The following HECTD4 variants were observed in gnomAD, a reference collection of about 807,000 sequenced individuals.
HECTD4 encodes HECT domain E3 ubiquitin protein ligase 4.
A neutral mutation model predicts 471.5 loss-of-function variants in HECTD4; 114 were observed. The ratio of observed to expected loss-of-function variants is 0.24; its 90% CI spans 0.21 to 0.28. The LOEUF (loss-of-function observed/expected upper bound fraction) is 0.28, where lower values mean the gene tolerates loss of function less well. Among genes scored for constraint, HECTD4 ranks in the 10% least tolerant of loss-of-function variants. The probability of loss-of-function intolerance (pLI) is 1.00; values close to 1 mark genes in which losing one functional copy is unlikely to be tolerated. For synonymous variants in HECTD4, 2,012 were observed against 2,256.0 expected (o/e 0.89, Z 3.07); for missense variants, 3,866 against 5,651.5 (o/e 0.68, Z 10.13).
intron 52 of HECTD4, among the ~76,000 whole-genome samples, chr12:112,205,453 G>GA (rs1163774774): frequency 5.3e-5 from 8 of 152,058 alleles, no homozygotes; most frequent in African/African-American, 1.7e-4. Context: ...CAAAAAAGTA[G>GA]AAAAAACCGA....
At chr12:112,324,735 A>C (rs970760348) in intron 1 of HECTD4, among the ~76,000 whole-genome samples, 2 of 152,170 alleles carry the variant, frequency 1.3e-5, no homozygotes, top group Admixed American at 6.5e-5. Context: ...ATCAATAAAG[A>C]TTACTGAAAT....
intron 7 of HECTD4, among the ~76,000 whole-genome samples, chr12:112,289,058 T>C (rs2034818854): frequency 6.6e-6 from 1 of 152,228 alleles, no homozygotes; most frequent in South Asian, 2.1e-4. Flanking sequence ...CGACATTCCA[T>C]TTTGTTACAT....
intron 62 of HECTD4, among the ~76,000 whole-genome samples, chr12:112,180,935 C>G (rs1300622916): frequency 4.6e-5 from 7 of 151,290 alleles, no homozygotes; most frequent in African/African-American, 1.7e-4. Flanking sequence ...GTATTTTAAT[C>G]AGTCAAAATT....
intron 44 of HECTD4, among the ~76,000 whole-genome samples, chr12:112,223,371 G>A (rs1219161983): frequency 6.6e-6 from 1 of 152,148 alleles, no homozygotes; most frequent in Non-Finnish European, 1.5e-5. Context: ...TGCTTCCTCT[G>A]CTGTTTCAAC....
Position 112,313,275 on chromosome 12 carries a change from T to G in HECTD4, c.786-128A>C, listed in dbSNP as rs2035406881. On this transcript the variant is annotated intron_variant, in intron 3 of 75. Transcript: ENST00000682272. Reference sequence around the variant, plus strand: ...AGATGTATAATATTTTATACAAATATTATTCAAAAAAGACATTTATAGTAT... The same window carrying G: ...AGATGTATAATATTTTATACAAATAGTATTCAAAAAAGACATTTATAGTAT... 7 of 550,832 alleles carry G rather than the reference T, an allele frequency of 1.3e-5. No homozygotes were observed. In the Admixed American group the frequency reaches 2.7e-4, roughly 21 times the overall value. The allele number at this position is 550,832 out of a possible 1,614,324, so 34.1% of individuals were successfully genotyped here.
chr12:112,194,847 C>T lies in HECTD4; in HGVS notation c.8749+38G>A. The T allele has an allele frequency of 1.3e-6, 2 of 1,572,938 alleles. No homozygotes were observed. The highest frequency in any genetic ancestry group is 2.7e-5 in the African/African-American group (2 of 74,128). ...CACTGTGCACAGCGCCCGCCTGGTGCTAAGTTCCAGAGTGACAGCAGCAAA... is the reference window on the plus strand; with the variant it reads ...CACTGTGCACAGCGCCCGCCTGGTGTTAAGTTCCAGAGTGACAGCAGCAAA... On this transcript the variant is annotated intron_variant, in intron 56 of 75. Transcript: ENST00000682272. The surrounding 1 kb of genome is among the most constrained non-coding windows in gnomAD (Gnocchi z 4.6).
chr12:112,319,225 C>T lies in HECTD4; in HGVS notation c.695G>A (p.Arg232Lys). ...AAALVALACA[R>K]GSLKTFVHTV... The stretch of plus-strand genomic sequence containing the variant: ...AAATGATACATTCGATTTTCCTTAC[C>T]TGGCACAAGCCAAAGCCACCAGGGC... Residue 232 changes from arginine (R) to lysine (K), a missense_variant and splice_region_variant, in exon 2 of 76, where the codon AGG becomes AAG. Arg to Lys is a conservative substitution (Grantham distance 26). Transcript: ENST00000682272. This position sits in a 1 kb window ranked among gnomAD's most constrained non-coding sequence, Gnocchi z 5.3. The T allele has an allele frequency of 6.5e-7, 1 of 1,536,004 alleles. No homozygotes were observed. The highest frequency in any genetic ancestry group is 8.7e-7 in the Non-Finnish European group (1 of 1,146,820).
Position 112,164,106 on chromosome 12 carries a change from C to A in HECTD4, c.12701+3G>T. On this transcript the variant is annotated splice_donor_region_variant and intron_variant, in intron 73 of 75. Coordinates refer to ENST00000682272, the MANE Select transcript of HECTD4 (RefSeq NM_001388303.1). The stretch of plus-strand genomic sequence containing the variant: ...CCAGCCCCTGACACGCGCACACACT[C>A]ACGCCACAAGGATGTGCCGGCCCCG... 1 of 1,567,530 alleles carries A rather than the reference C, an allele frequency of 6.4e-7. No homozygotes were observed.
At position 112,162,196 on chromosome 12, in the gene HECTD4, A is replaced by G; in HGVS notation, c.*191T>C. ...CCACAAACAGGCAGCAAAAGAACCA[A>G]CCCATCACGAAACGTACAAAGACAA... On this transcript the variant is annotated 3_prime_UTR_variant, in exon 76 of 76. Transcript: ENST00000682272. The surrounding 1 kb of genome is among the most constrained non-coding windows in gnomAD (Gnocchi z 5.2). 1 of 595,884 alleles carries G rather than the reference A, an allele frequency of 1.7e-6. No homozygotes were observed. The allele number at this position is 595,884 out of a possible 1,614,324, so 36.9% of individuals were successfully genotyped here.
intron 66 of HECTD4, among the ~76,000 whole-genome samples, chr12:112,174,737 T>C (rs61941327): frequency 0.01 from 1,544 of 152,072 alleles, 10 homozygotes; most frequent in Non-Finnish European, 0.017. Flanking sequence ...CTAATTTTTG[T>C]ATTTTTAGTA....
intron 14 of HECTD4, among the ~76,000 whole-genome samples, chr12:112,266,694 G>A (rs893678736): frequency 2.4e-4 from 36 of 152,220 alleles, no homozygotes; most frequent in African/African-American, 8.2e-4. Context: ...TGCTGGCCAG[G>A]CTGGTCTCGA....
intron 1 of HECTD4, among the ~76,000 whole-genome samples, chr12:112,345,879 A>G (rs1477500335): frequency 1.3e-5 from 2 of 152,372 alleles, no homozygotes; most frequent in Non-Finnish European, 2.9e-5. Flanking sequence ...TGGGCGATAG[A>G]GCGAGACTCC....
chr12:112,300,741 G>T (rs996680620), intron 7 of HECTD4, among the ~76,000 whole-genome samples: 1 of 151,926 alleles, frequency 6.6e-6, no homozygotes, highest in South Asian at 2.1e-4. Context: ...AAGACTACAG[G>T]AGTGTGCCAT....
chr12:112,166,408 C>T lies in HECTD4; in HGVS notation c.12534+909G>A, dbSNP rs1032079738. Reference sequence around the variant, plus strand: ...GCATAGGCAGAAGCCGCTGGCACCTCCTTCACCTGAGGCCCAGGAGAGAGC... The same window carrying T: ...GCATAGGCAGAAGCCGCTGGCACCTTCTTCACCTGAGGCCCAGGAGAGAGC... On this transcript the variant is annotated intron_variant, in intron 72 of 75. Coordinates refer to ENST00000682272, the MANE Select transcript of HECTD4 (RefSeq NM_001388303.1). The surrounding 1 kb of genome is among the most constrained non-coding windows in gnomAD (Gnocchi z 4.6). 4 of 152,300 alleles carry T rather than the reference C, an allele frequency of 2.6e-5. No homozygotes were observed. Among genetic ancestry groups the T allele is most frequent in the Non-Finnish European group, 5.9e-5 (4 of 68,082 alleles). The allele number at this position is 152,300 out of a possible 1,614,324, so 9.4% of individuals were successfully genotyped here.
At chr12:112,331,140 C>T (rs560773519) in intron 1 of HECTD4, among the ~76,000 whole-genome samples, 2 of 152,070 alleles carry the variant, frequency 1.3e-5, no homozygotes, top group East Asian at 1.9e-4. Context: ...GGCATGATCT[C>T]GACTCATGCA....
At position 112,239,773 on chromosome 12, in the gene HECTD4, C is replaced by A; in HGVS notation, c.5105+108G>T. 9.5e-7 allele frequency: 1 copy of A among 1,053,480 alleles called. No individual in the cohort carries two copies. 65.3% of individuals were successfully genotyped at this position (1,053,480 alleles called of 1,614,324 possible). Reference sequence around the variant, plus strand: ...GGAGAAAAGTTTTGTATAGCTAGCTCTGGATAATGAAAGCAAAAAATCCAA... The same window carrying A: ...GGAGAAAAGTTTTGTATAGCTAGCTATGGATAATGAAAGCAAAAAATCCAA... On this transcript the variant is annotated intron_variant, in intron 33 of 75. Transcript: ENST00000682272. The surrounding 1 kb of genome is among the most constrained non-coding windows in gnomAD (Gnocchi z 4.9).
At chr12:112,332,320 G>T (rs1251526160) in intron 1 of HECTD4, among the ~76,000 whole-genome samples, 1 of 151,982 alleles carries the variant, frequency 6.6e-6, no homozygotes, top group Non-Finnish European at 1.5e-5. Flanking sequence ...ATCACCTAAG[G>T]TCGGGAGTTT....
chr12:112,232,858 A>G, intron 38 of HECTD4, 146 bp downstream of exon 38: 1 of 622,580 alleles, frequency 1.6e-6, no homozygotes, highest in Non-Finnish European at 2.8e-6. Context: ...AAATGGCCTC[A>G]GTTAAGGCAC....
At position 112,167,379 on chromosome 12, in the gene HECTD4, G is replaced by A. The variant is rs1471355224; in HGVS notation, c.12472C>T (p.Pro4158Ser). The change falls in exon 72 of 76, where the codon CCT (proline) becomes TCT (serine). Residue 4158 changes from proline (P) to serine (S), a missense_variant. Physicochemically the swap from Pro to Ser is moderately conservative, Grantham distance 74. This residue lies in a region of HECTD4 where 715 missense variants were observed against 1,087.6 expected (regional missense o/e 0.66). Transcript: ENST00000682272. ...WKTLVGEPLD[P>S]EQDLQEADIL... ...TCCGCTTCCTGCAGGTCTTGCTCAG[G>A]GTCCAAGGGCTCGCCCACCAGCGTC... is the stretch of plus-strand genomic sequence containing the variant. The A allele has an allele frequency of 1.2e-6, 2 of 1,613,876 alleles. No homozygotes were observed. Among genetic ancestry groups the A allele is most frequent in the Admixed American group, 3.3e-5 (2 of 60,016 alleles).
Sources: allele counts gnomAD v4.1 joint callset (sites outside exome capture counted in the v4.1 genomes callset), GRCh38; gene constraint gnomAD v4.1.1; regional missense constraint gnomAD v4.1.1; non-coding constraint Gnocchi (gnomAD v3.1); transcripts MANE v1.5; gene names NCBI Gene and HGNC (gene_info 2026-07-23, HGNC 2026-07-21).